The following GGACT variants were observed in gnomAD, a reference collection of about 807,000 sequenced individuals.
GGACT encodes the protein gamma-glutamylaminecyclotransferase.
For missense variants in GGACT, 241 were observed against 233.2 expected, an observed-to-expected ratio of 1.03 and a Z score of -0.22; for synonymous variants, 118 against 115.3, an observed-to-expected ratio of 1.02 and a Z score of -0.15.
chr13:100,574,222 C>T (rs977773553), intron 2 of GGACT, among the ~76,000 whole-genome samples: 1 of 152,156 alleles, frequency 6.6e-6, no homozygotes, highest in Non-Finnish European at 1.5e-5. Context: ...GAAATCATGT[C>T]CTTTGCAGCA....
chr13:100,576,027 T>C (rs571637927), intron 2 of GGACT, among the ~76,000 whole-genome samples: 1 of 152,370 alleles, frequency 6.6e-6, no homozygotes, highest in African/African-American at 2.4e-5. Flanking sequence ...AGTTATTATT[T>C]TGTAATACTT....
Position 100,531,200 on chromosome 13 carries a change from C to CAATT in GGACT, c.*926_*929dup, listed in dbSNP as rs1178695710. ...GTGCACCGAGTTGAATCGATGCTGACAATTATCAGATGGAGGTGGGTAGTA... is the reference window on the plus strand; with the variant it reads ...GTGCACCGAGTTGAATCGATGCTGACAATTAATTATCAGATGGAGGTGGGTAGTA... On this transcript the variant is annotated 3_prime_UTR_variant, in exon 3 of 3. Coordinates refer to ENST00000683975, the MANE Select transcript of GGACT (RefSeq NM_001195087.2). 6.6e-6 allele frequency: 1 copy of CAATT among 152,206 alleles called. No homozygotes were observed. The highest frequency in any genetic ancestry group is 1.9e-4 in the East Asian group (1 of 5,206). The allele number at this position is 152,206 out of a possible 1,614,324, so 9.4% of individuals were successfully genotyped here. A position where few individuals can be genotyped will look rare whatever the true frequency, so the allele number is the denominator to read the frequency against.
Position 100,532,196 on chromosome 13 carries a change from C to G in GGACT, c.396G>C (p.Pro132=). The change falls in exon 3 of 3, where the codon CCG becomes CCC. Residue 132 remains proline (P), a synonymous_variant. Coordinates refer to ENST00000683975, the MANE Select transcript of GGACT (RefSeq NM_001195087.2). The part of the protein sequence containing the change: ...ATFPPEWAQL[P]HHDSYDSEGP... ...CCTCGGAGTCGTAGCTGTCATGGTG[C>G]GGGAGCTGGGCCCACTCCGGCGGGA... 1.4e-6 allele frequency: 2 copies of G among 1,476,192 alleles called. No individual in the cohort carries two copies. The highest frequency in any genetic ancestry group is 1.8e-6 in the Non-Finnish European group (2 of 1,106,488). 91.4% of individuals were successfully genotyped at this position (1,476,192 alleles called of 1,614,324 possible). A position where few individuals can be genotyped will look rare whatever the true frequency, so the allele number is the denominator to read the frequency against.
At chr13:100,536,723 C>T (rs1237452497) in intron 2 of GGACT, 1 of 152,200 alleles carries the variant, frequency 6.6e-6, no homozygotes, top group African/African-American at 2.4e-5. Flanking sequence ...GCAGGCCTCA[C>T]ACGGGACTCT....
rs746540301 is a variant in GGACT, at chr13:100,531,703, C to T, written c.*427G>A. The T allele has an allele frequency of 6.1e-6, 1 of 164,440 alleles. No homozygotes were observed. Among genetic ancestry groups the T allele is most frequent in the Non-Finnish European group, 1.3e-5 (1 of 76,598 alleles). 10.2% of individuals were successfully genotyped at this position (164,440 alleles called of 1,614,324 possible). On this transcript the variant is annotated 3_prime_UTR_variant, in exon 3 of 3. Transcript: ENST00000683975. The stretch of plus-strand genomic sequence containing the variant: ...ATCTTTTCTACAAATTCTACCCAGC[C>T]GTGTAAAATCGGCTTTCTCAGGGGT...
intron 2 of GGACT, among the ~76,000 whole-genome samples, chr13:100,576,469 T>G (rs752935319): frequency 1.5e-4 from 23 of 152,226 alleles, no homozygotes; most frequent in Non-Finnish European, 3.2e-4. Flanking sequence ...TGAAAACTTT[T>G]CTTCAGATAA....
chr13:100,537,204 G>A (rs7323269), intron 2 of GGACT: 22,817 of 152,350 alleles, frequency 0.15, 2,023 homozygotes, highest in Middle Eastern at 0.26. Context: ...TTGCTGCACC[G>A]CCAGCCCTAG....
At chr13:100,585,881 G>A (rs1179148046) in intron 1 of GGACT, among the ~76,000 whole-genome samples, 2 of 136,334 alleles carry the variant, frequency 1.5e-5, no homozygotes, top group African/African-American at 2.7e-5. Context: ...GCACATGCCT[G>A]TAATCCCAAC....
Position 100,534,697 on chromosome 13 carries a change from C to G in GGACT, c.-10-2096G>C, listed in dbSNP as rs115820397. ...CCCACACCTGCATCCCAGCCCCCAG[C>G]GAGACCCATCAGCACTTCCCCTGCC... On this transcript the variant is annotated intron_variant, in intron 2 of 2. Transcript: ENST00000683975. The surrounding 1 kb of genome is among the most constrained non-coding windows in gnomAD (Gnocchi z 4.9). 0.011 allele frequency among the ~76,000 whole-genome samples: 1,641 copies of G among 152,202 alleles called. 31 individuals are homozygous for G. Among genetic ancestry groups the G allele is most frequent in the African/African-American group, 0.038 (1,563 of 41,492 alleles).
In GGACT at chr13:100,532,617, A is replaced by C. The variant is rs1053409752; in HGVS notation, c.-10-16T>G. The C allele has an allele frequency of 3.3e-6, 5 of 1,513,556 alleles. No homozygotes were observed. In the African/African-American group the frequency reaches 6.9e-5, roughly 21 times the overall value. 93.8% of individuals were successfully genotyped at this position (1,513,556 alleles called of 1,614,324 possible). ...CCGGGCAGAGCTGCAGGGAGAGGGG[A>C]AGTCACAGGTCAGCCCGCAGTGGGA... On this transcript the variant is annotated splice_polypyrimidine_tract_variant and intron_variant, in intron 2 of 2. Coordinates refer to ENST00000683975, the MANE Select transcript of GGACT (RefSeq NM_001195087.2).
chr13:100,537,785 C>G (rs1014537338), intron 2 of GGACT: 27 of 152,404 alleles, frequency 1.8e-4, no homozygotes, highest in South Asian at 2.1e-4. Context: ...GAGAACAGTC[C>G]TATGGAAGCA....
At chr13:100,549,113 T>A (rs987847094) in intron 2 of GGACT, among the ~76,000 whole-genome samples, 5 of 152,092 alleles carry the variant, frequency 3.3e-5, no homozygotes, top group Non-Finnish European at 7.4e-5. Flanking sequence ...TTTGGCAGGC[T>A]GAGGCGGGTG....
intron 2 of GGACT, among the ~76,000 whole-genome samples, chr13:100,554,138 G>C (rs978628867): frequency 3.9e-5 from 6 of 152,182 alleles, no homozygotes; most frequent in African/African-American, 1.4e-4. Context: ...CATGGACATT[G>C]CCTGGCCTGA....
chr13:100,552,718 T>G, intron 2 of GGACT, among the ~76,000 whole-genome samples: 1 of 152,160 alleles, frequency 6.6e-6, no homozygotes, highest in Non-Finnish European at 1.5e-5. Flanking sequence ...TGACAGGCCA[T>G]TCATTCATTC....
chr13:100,532,412 CCCCG>C lies in GGACT; in HGVS notation c.176_179del (p.Ser59CysfsTer11), dbSNP rs1251480657. 3.2e-6 allele frequency: 5 copies of C among 1,550,016 alleles called. No individual in the cohort carries two copies. The Admixed American group carries it at 5.9e-5, about 18-fold the overall frequency. On this transcript the variant is annotated frameshift_variant, in exon 3 of 3. Transcript: ENST00000683975. LOFTEE classifies it low-confidence loss of function (END_TRUNC). ...CGTAGACCTCGCCCTCCACGAGGCGCCCCGAGCCGGGCAGGTGCAGCAGCCACGG... is the reference window on the plus strand; with the variant it reads ...CGTAGACCTCGCCCTCCACGAGGCGCAGCCGGGCAGGTGCAGCAGCCACGG...
intron 2 of GGACT, among the ~76,000 whole-genome samples, chr13:100,558,182 CAAAAA>C (rs35098533): frequency 8.8e-6 from 1 of 113,654 alleles, no homozygotes; most frequent in Non-Finnish European, 1.9e-5. Flanking sequence ...AACTCCATCT[CAAAAA>C]AAAAAAAAAA....
chr13:100,552,390 C>T (rs934385868), intron 2 of GGACT, among the ~76,000 whole-genome samples: 1 of 152,154 alleles, frequency 6.6e-6, no homozygotes, highest in Non-Finnish European at 1.5e-5. Context: ...AAAATCTACA[C>T]GCCACCCCCC....
chr13:100,565,363 A>G (rs1319540003), intron 2 of GGACT, among the ~76,000 whole-genome samples: 2 of 152,188 alleles, frequency 1.3e-5, no homozygotes, highest in Non-Finnish European at 2.9e-5. Context: ...CAACGTTAAC[A>G]GCTTTCATTT....
chr13:100,545,021 G>A lies in GGACT; in HGVS notation c.-10-12420C>T, dbSNP rs542068752. Among the ~76,000 whole-genome samples, 7 of 152,292 alleles carry A rather than the reference G, an allele frequency of 4.6e-5. No homozygotes were observed. Among genetic ancestry groups the A allele is most frequent in the South Asian group, 2.1e-4 (1 of 4,826 alleles). On this transcript the variant is annotated intron_variant, in intron 2 of 2. Transcript: ENST00000683975. The surrounding 1 kb of genome is among the most constrained non-coding windows in gnomAD (Gnocchi z 4.4). ...TGGTGTGACACTCAGAAGGCGCAGC[G>A]GAGGCGGCAGCAGGAGGCAGAGCCA...
Sources: allele counts gnomAD v4.1 joint callset (sites outside exome capture counted in the v4.1 genomes callset), GRCh38; gene constraint gnomAD v4.1.1; non-coding constraint Gnocchi (gnomAD v3.1); transcripts MANE v1.5; gene names NCBI Gene and HGNC (gene_info 2026-07-23, HGNC 2026-07-21).